Variants in CCDC149 observed in about 807,000 individuals in gnomAD.
CCDC149 encodes coiled-coil domain-containing protein 149.
A neutral mutation model predicts 59.9 loss-of-function variants in CCDC149; 45 were observed. That is an observed-to-expected ratio of 0.75 (90% CI 0.59 to 0.96). CCDC149 has a LOEUF of 0.96. Ranked by LOEUF, CCDC149 falls within the 40% of genes least tolerant of loss-of-function variation. The probability of loss-of-function intolerance (pLI) is 0.00; values close to 1 mark genes in which losing one functional copy is unlikely to be tolerated. For missense variants in CCDC149, 584 were observed against 664.7 expected, an observed-to-expected ratio of 0.88 and a Z score of 1.33; for synonymous variants, 245 against 260.6, an observed-to-expected ratio of 0.94 and a Z score of 0.58.
intron 4 of CCDC149, among the ~76,000 whole-genome samples, chr4:24,846,822 G>A (rs1018657949): frequency 1.3e-5 from 2 of 152,206 alleles, no homozygotes; most frequent in African/African-American, 4.8e-5. Flanking sequence ...ATTGGTAGGA[G>A]CATTTGCCTA....
At chr4:24,904,355 C>T (rs1019386718) in intron 1 of CCDC149, among the ~76,000 whole-genome samples, 1 of 152,218 alleles carries the variant, frequency 6.6e-6, no homozygotes, top group African/African-American at 2.4e-5. Flanking sequence ...CCCACTTCCC[C>T]TAAATGAGTT....
intron 4 of CCDC149, among the ~76,000 whole-genome samples, chr4:24,841,458 G>C (rs530112568): frequency 6.6e-6 from 1 of 152,214 alleles, no homozygotes; most frequent in Non-Finnish European, 1.5e-5. Context: ...CAATCATTTG[G>C]TGTTTAATGT....
Position 24,808,302 on chromosome 4 carries a change from A to C in CCDC149, c.*87T>G. On this transcript the variant is annotated 3_prime_UTR_variant, in exon 13 of 13. Coordinates refer to ENST00000635206, the MANE Select transcript of CCDC149 (RefSeq NM_001330643.2). ...GCAGACTCGGAGGTATTTCAGGAGA[A>C]GGCGACGTGAGCGCACCATTCCGAT... 8.1e-7 allele frequency: 1 copy of C among 1,236,078 alleles called. No individual in the cohort carries two copies. Among genetic ancestry groups the C allele is most frequent in the Non-Finnish European group, 1.1e-6 (1 of 934,616 alleles). The allele number at this position is 1,236,078 out of a possible 1,614,324, so 76.6% of individuals were successfully genotyped here.
chr4:24,976,202 A>C (rs1365778294), intron 1 of CCDC149, among the ~76,000 whole-genome samples: 3 of 152,222 alleles, frequency 2.0e-5, no homozygotes, highest in Admixed American at 1.3e-4. Context: ...GAGCTCAAAG[A>C]GATCCTTACT....
At chr4:24,862,649 A>G (rs1264688929) in intron 3 of CCDC149, among the ~76,000 whole-genome samples, 4 of 152,240 alleles carry the variant, frequency 2.6e-5, no homozygotes, top group African/African-American at 9.6e-5. Flanking sequence ...TGGAGTTAAC[A>G]TAACTAGGCT....
intron 3 of CCDC149, among the ~76,000 whole-genome samples, chr4:24,868,246 T>C (rs2048710062): frequency 6.6e-6 from 1 of 152,130 alleles, no homozygotes; most frequent in Admixed American, 6.6e-5. Flanking sequence ...AAACGGAAAG[T>C]TTCAAGACAA....
At chr4:24,831,356 C>T (rs979151823) in intron 9 of CCDC149, 150 bp downstream of exon 9, 1 of 731,378 alleles carries the variant, frequency 1.4e-6, no homozygotes, top group Non-Finnish European at 2.3e-6. Flanking sequence ...AAAGCAGAAG[C>T]ACCATTCTAG....
chr4:24,874,272 T>G (rs1272424552), intron 2 of CCDC149, among the ~76,000 whole-genome samples: 1 of 46,726 alleles, frequency 2.1e-5, no homozygotes, highest in Admixed American at 2.7e-4. Flanking sequence ...TTTGTTTTTT[T>G]TTGTTTTTTT....
At chr4:24,873,144 G>C (rs1299050139) in intron 3 of CCDC149, among the ~76,000 whole-genome samples, 1 of 150,634 alleles carries the variant, frequency 6.6e-6, no homozygotes, top group East Asian at 2.0e-4. Flanking sequence ...CCACAGAATG[G>C]TATGTACCCA....
intron 1 of CCDC149, among the ~76,000 whole-genome samples, chr4:24,943,880 G>C (rs1221917971): frequency 2.6e-5 from 4 of 151,912 alleles, no homozygotes; most frequent in Non-Finnish European, 5.9e-5. Flanking sequence ...TTAGAATGGT[G>C]ATCATTAAAA....
At chr4:24,822,621 G>T in intron 9 of CCDC149, 48 bp from the exon 10 acceptor site, 2 of 1,374,040 alleles carry the variant, frequency 1.5e-6, no homozygotes, top group Non-Finnish European at 2.0e-6. Context: ...CATCCTGTCA[G>T]CCCCCAGCCC....
Position 24,808,519 on chromosome 4 carries a change from A to T in CCDC149, c.1493T>A (p.Ile498Asn). The T allele has an allele frequency of 2.6e-6, 4 of 1,534,982 alleles. No homozygotes were observed. The highest frequency in any genetic ancestry group is 3.5e-6 in the Non-Finnish European group (4 of 1,139,422). Residue 498 changes from isoleucine (I) to asparagine (N), a missense_variant, in exon 13 of 13, where the codon ATC (isoleucine) becomes AAC (asparagine). Ile to Asn is a moderately radical substitution (Grantham distance 149). Coordinates refer to ENST00000635206, the MANE Select transcript of CCDC149 (RefSeq NM_001330643.2). ...GTGAGATTTAGGGAGCTCCCCCTGG[A>T]TGGCCAGGCCTGGCGGGGCTGGCCC...
At chr4:24,887,856 T>C (rs1364819856) in intron 1 of CCDC149, among the ~76,000 whole-genome samples, 3 of 152,034 alleles carry the variant, frequency 2.0e-5, no homozygotes, top group African/African-American at 7.3e-5. Context: ...ACAGGAGCCT[T>C]TCAGCATCTG....
intron 1 of CCDC149, among the ~76,000 whole-genome samples, chr4:24,938,435 G>A (rs539527705): frequency 1.6e-4 from 24 of 152,306 alleles, no homozygotes; most frequent in South Asian, 6.2e-4. Flanking sequence ...CAAGATAGCC[G>A]AATAGGAACA....
intron 1 of CCDC149, among the ~76,000 whole-genome samples, chr4:24,892,622 T>C (rs1366288996): frequency 6.6e-6 from 1 of 152,170 alleles, no homozygotes; most frequent in African/African-American, 2.4e-5. Flanking sequence ...GTTTTTCACA[T>C]TAGCTCATTT....
intron 1 of CCDC149, among the ~76,000 whole-genome samples, chr4:24,974,181 G>T (rs915084702): frequency 2.0e-5 from 3 of 152,160 alleles, no homozygotes; most frequent in African/African-American, 4.8e-5. Flanking sequence ...AAGGTGACCC[G>T]CAGGTGCCGG....
intron 1 of CCDC149, among the ~76,000 whole-genome samples, chr4:24,910,045 C>T (rs1158592511): frequency 6.6e-6 from 1 of 152,190 alleles, no homozygotes; most frequent in South Asian, 2.1e-4. Flanking sequence ...AGTGTATTCA[C>T]TCACAGTTAT....
chr4:24,938,915 G>A (rs1722864958), intron 1 of CCDC149, among the ~76,000 whole-genome samples: 1 of 152,228 alleles, frequency 6.6e-6, no homozygotes, highest in Admixed American at 6.5e-5. Context: ...ACTGGGTGGA[G>A]CCCACCACAG....
intron 3 of CCDC149, among the ~76,000 whole-genome samples, chr4:24,857,984 T>C (rs903435009): frequency 3.7e-4 from 56 of 152,278 alleles, no homozygotes; most frequent in African/African-American, 1.3e-3. Context: ...AAATGACTAT[T>C]CTGATATGGT....
Sources: gnomAD v4.1 joint callset for allele counts (sites outside exome capture counted in the v4.1 genomes callset) on GRCh38, gnomAD v4.1.1 for gene constraint, MANE v1.5 for transcripts, NCBI Gene and HGNC (gene_info 2026-07-23, HGNC 2026-07-21) for gene names.